SPTB: variants seen among roughly 807,000 people sequenced by gnomAD.
The protein encoded by SPTB is spectrin beta chain, erythrocytic.
Under a neutral mutation model 256.2 loss-of-function variants are expected in SPTB, and 45 were observed. The ratio of observed to expected loss-of-function variants is 0.18; its 90% CI spans 0.14 to 0.23. The LOEUF (loss-of-function observed/expected upper bound fraction) is 0.23, where lower values mean the gene tolerates loss of function less well. Ranked by LOEUF, SPTB falls within the 10% of genes least tolerant of loss-of-function variation. The pLI, the probability that SPTB is intolerant of heterozygous loss-of-function variation, is 1.00. For synonymous variants in SPTB, 1,231 were observed against 1,243.1 expected, an observed-to-expected ratio of 0.99 and a Z score of 0.21; for missense variants, 2,715 against 3,040.4, an observed-to-expected ratio of 0.89 and a Z score of 2.52.
chr14:64,804,119 G>C (rs1174307444), intron 3 of SPTB, among the ~76,000 whole-genome samples: 1 of 152,202 alleles, frequency 6.6e-6, no homozygotes, highest in Non-Finnish European at 1.5e-5. Context: ...TCTAAGAACT[G>C]TTTACTGCCA....
In SPTB at chr14:64,767,790, T is replaced by C. The variant is rs1287925327; in HGVS notation, c.6092A>G (p.Tyr2031Cys). 1 of 1,614,074 alleles carries C rather than the reference T, an allele frequency of 6.2e-7. No individual in the cohort carries two copies. The highest frequency in any genetic ancestry group is 8.5e-7 in the Non-Finnish European group (1 of 1,180,000). ...AEAWLIAQEPYLASGDFGHTV... is the reference protein window; with the variant it reads ...AEAWLIAQEPCLASGDFGHTV... ...GTGTCCAAAGTCCCCGCTGGCCAGG[T>C]AGGGCTCCTGGGCAATCAGCCACGC... The change falls in exon 30 of 36, where the codon TAC (tyrosine) becomes TGC (cysteine). Residue 2031 changes from tyrosine (Y) to cysteine (C), a missense_variant. Physicochemically the swap from Tyr to Cys is radical, Grantham distance 194. This residue lies in a region of SPTB where 2,239 missense variants were observed against 2,384.4 expected (regional missense o/e 0.94). Coordinates refer to ENST00000644917, the MANE Select transcript of SPTB (RefSeq NM_001355436.2).
Position 64,823,235 on chromosome 14 carries a change from T to A in SPTB, c.-51-90A>T. On this transcript the variant is annotated intron_variant, in intron 1 of 35. Transcript: ENST00000644917. This position sits in a 1 kb window ranked among gnomAD's most constrained non-coding sequence, Gnocchi z 6.5. ...ACTTATTCGGAGCATCCAACGTGAG[T>A]AGATCCTGACAGAAGCAGAACGCCA... is the stretch of plus-strand genomic sequence containing the variant. 1 of 985,374 alleles carries A rather than the reference T, an allele frequency of 1.0e-6. No homozygotes were observed. Among genetic ancestry groups the A allele is most frequent in the Non-Finnish European group, 1.6e-6 (1 of 637,352 alleles). 61.0% of individuals were successfully genotyped at this position (985,374 alleles called of 1,614,324 possible).
chr14:64,833,018 T>C (rs1183630128), intron 1 of SPTB, among the ~76,000 whole-genome samples: 1 of 152,206 alleles, frequency 6.6e-6, no homozygotes, highest in African/African-American at 2.4e-5. Context: ...TTAAAACCCA[T>C]AATAAATCAC....
At position 64,802,416 on chromosome 14, in the gene SPTB, C is replaced by G; in HGVS notation, c.475-99G>C. ...GGCTCCCTCCCTCATCCCCCCTTCA[C>G]TTAACACTAATTCATCCTTTAAGAG... On this transcript the variant is annotated intron_variant, in intron 4 of 35. Coordinates refer to ENST00000644917, the MANE Select transcript of SPTB (RefSeq NM_001355436.2). This position sits in a 1 kb window ranked among gnomAD's most constrained non-coding sequence, Gnocchi z 5.1. The G allele has an allele frequency of 3.6e-6, 4 of 1,103,798 alleles. No homozygotes were observed. The highest frequency in any genetic ancestry group is 2.0e-5 in the Admixed American group (1 of 51,114). The allele number at this position is 1,103,798 out of a possible 1,614,324, so 68.4% of individuals were successfully genotyped here. A position where few individuals can be genotyped will look rare whatever the true frequency, so the allele number is the denominator to read the frequency against.
At chr14:64,864,908 C>T (rs2139810339) in intron 1 of SPTB, among the ~76,000 whole-genome samples, 1 of 152,266 alleles carries the variant, frequency 6.6e-6, no homozygotes, top group South Asian at 2.1e-4. Flanking sequence ...ACTCAAGAGT[C>T]CTGCACTGAC....
chr14:64,856,394 GAGA>G (rs2083873520), intron 1 of SPTB, among the ~76,000 whole-genome samples: 1 of 152,142 alleles, frequency 6.6e-6, no homozygotes, highest in Non-Finnish European at 1.5e-5. Flanking sequence ...CTTCTTCCAT[GAGA>G]CTATCCACAT....
intron 28 of SPTB, 145 bp from the exon 29 acceptor site, chr14:64,769,263 G>T: frequency 2.4e-6 from 2 of 849,244 alleles, no homozygotes; most frequent in Non-Finnish European, 3.9e-6. Context: ...CCAGCTGTGT[G>T]GCCTGGGGCA....
At position 64,786,821 on chromosome 14, in the gene SPTB, T is replaced by G. The variant is rs199994404; in HGVS notation, c.3144A>C (p.Gln1048His). Residue 1048 changes from glutamine (Q) to histidine (H), a missense_variant, in exon 16 of 36, where the codon CAA becomes CAC. Gln to His is a conservative substitution (Grantham distance 24). Around this residue, in one of 4 missense-constraint regions of SPTB, gnomAD observed 2,239 missense variants for 2,384.4 expected, o/e 0.94. Coordinates refer to ENST00000644917, the MANE Select transcript of SPTB (RefSeq NM_001355436.2). The surrounding 1 kb of genome is among the most constrained non-coding windows in gnomAD (Gnocchi z 5.6). ...HLEELWQGLQ[Q>H]SLQGQEDLLG... ...GCAAGTCCTCCTGGCCCTGCAGGGA[T>G]TGCTGCAGGCCCTGCCACAGCTCCT... 3 of 1,613,936 alleles carry G rather than the reference T, an allele frequency of 1.9e-6. No individual in the cohort carries two copies. The highest frequency in any genetic ancestry group is 2.5e-6 in the Non-Finnish European group (3 of 1,180,012).
In SPTB at chr14:64,779,723, A is replaced by T; in HGVS notation, c.4473+2T>A. On this transcript the variant is annotated splice_donor_variant, in intron 21 of 35. Coordinates refer to ENST00000644917, the MANE Select transcript of SPTB (RefSeq NM_001355436.2). LOFTEE classifies it high-confidence loss of function. This position sits in a 1 kb window ranked among gnomAD's most constrained non-coding sequence, Gnocchi z 4.2. ...GGTAGGGAGAAGCTGTGGCCCACGC[A>T]CCGTCTCATCCTCTAAGTCCCGGCT... 4 of 1,614,122 alleles carry T rather than the reference A, an allele frequency of 2.5e-6. No homozygotes were observed. The highest frequency in any genetic ancestry group is 3.4e-6 in the Non-Finnish European group (4 of 1,180,014).
rs1594833555 is a variant in SPTB, at chr14:64,841,643, G to A, written c.-51-18498C>T. Among the ~76,000 whole-genome samples, 1 of 152,232 alleles carries A rather than the reference G, an allele frequency of 6.6e-6. No individual in the cohort carries two copies. Among genetic ancestry groups the A allele is most frequent in the African/African-American group, 2.4e-5 (1 of 41,498 alleles). ...CCCAAATCGACACAGACATGGAGAA[G>A]ATAGGAAAGCATTGTGGGTAACGTT... On this transcript the variant is annotated intron_variant, in intron 1 of 35. Transcript: ENST00000644917. The surrounding 1 kb of genome is among the most constrained non-coding windows in gnomAD (Gnocchi z 4.6).
At chr14:64,862,050 C>G (rs1594853525) in intron 1 of SPTB, among the ~76,000 whole-genome samples, 1 of 152,164 alleles carries the variant, frequency 6.6e-6, no homozygotes, top group East Asian at 1.9e-4. Context: ...GTGCTGAGAG[C>G]TGTCAAATCG....
chr14:64,794,134 T>C (rs1272311948), intron 13 of SPTB, among the ~76,000 whole-genome samples: 2 of 152,174 alleles, frequency 1.3e-5, no homozygotes, highest in Admixed American at 1.3e-4. Flanking sequence ...TTTAAATTAA[T>C]TAAAAAAATT....
chr14:64,768,564 C>T (rs1026890961), intron 29 of SPTB, among the ~76,000 whole-genome samples: 3 of 152,098 alleles, frequency 2.0e-5, no homozygotes, highest in Non-Finnish European at 4.4e-5. Flanking sequence ...TCATCAGCAC[C>T]CAGCTGAAGG....
chr14:64,812,666 C>T (rs551209948), intron 2 of SPTB, among the ~76,000 whole-genome samples: 1 of 152,122 alleles, frequency 6.6e-6, no homozygotes, highest in East Asian at 1.9e-4. Flanking sequence ...GCCAGCCCCA[C>T]CCACTGCAGC....
intron 8 of SPTB, among the ~76,000 whole-genome samples, chr14:64,800,521 G>A (rs1411056409): frequency 6.6e-6 from 1 of 152,224 alleles, no homozygotes; most frequent in Non-Finnish European, 1.5e-5. Flanking sequence ...GTCTCAGGTG[G>A]ACCAGGTGTT....
In SPTB at chr14:64,767,331, T is replaced by C. The variant is rs1361547791; in HGVS notation, c.6241A>G (p.Ile2081Val). 10 of 1,613,982 alleles carry C rather than the reference T, an allele frequency of 6.2e-6. No individual in the cohort carries two copies. The highest frequency in any genetic ancestry group is 8.5e-6 in the Non-Finnish European group (10 of 1,180,036). The part of the protein sequence containing the change: ...PTTLELKERQ[I>V]AERPAEETGP... The stretch of plus-strand genomic sequence containing the variant: ...GTCTCCTCTGCGGGTCTCTCTGCAA[T>C]CTGGCGTTCTTTCAGCTCAAGCTAG... Residue 2081 changes from isoleucine to valine, a missense_variant, in exon 31 of 36, where the codon ATT becomes GTT. Transcript: ENST00000644917.
chr14:64,818,501 C>A (rs944928009), intron 2 of SPTB, among the ~76,000 whole-genome samples: 5 of 152,172 alleles, frequency 3.3e-5, no homozygotes, highest in African/African-American at 9.7e-5. Context: ...CCACTCCCTG[C>A]TCTCCCTTCT....
rs770967001 is a variant in SPTB at position 64,793,578 on chromosome 14, C to G, written c.2085G>C (p.Gln695His). The change falls in exon 14 of 36, where the codon CAG becomes CAC. Residue 695 changes from glutamine (Q) to histidine (H), a missense_variant. Transcript: ENST00000644917. This position sits in a 1 kb window ranked among gnomAD's most constrained non-coding sequence, Gnocchi z 7.0. ...ELRGLDAHLE[Q>H]IFQEAHGMVA... ...CCATGCCATGAGCCTCCTGGAAGAT[C>G]TGCTCCAGGTGAGCATCCAGCCCAC... 13 of 1,614,212 alleles carry G rather than the reference C, an allele frequency of 8.1e-6. No individual in the cohort carries two copies. The highest frequency in any genetic ancestry group is 1.0e-5 in the Non-Finnish European group (12 of 1,180,052).
intron 2 of SPTB, 116 bp from the exon 3 acceptor site, chr14:64,805,206 G>T: frequency 8.6e-7 from 1 of 1,168,800 alleles, no homozygotes; most frequent in Non-Finnish European, 1.2e-6. Flanking sequence ...AGAGGAAGTC[G>T]ATGTATTCAT....
Sources: allele counts gnomAD v4.1 joint callset (sites outside exome capture counted in the v4.1 genomes callset), GRCh38; gene constraint gnomAD v4.1.1; regional missense constraint gnomAD v4.1.1; non-coding constraint Gnocchi (gnomAD v3.1); transcripts MANE v1.5; gene names NCBI Gene and HGNC (gene_info 2026-07-23, HGNC 2026-07-21).